The following COL4A5 variants were observed in gnomAD, a reference collection of about 807,000 sequenced individuals.
The protein encoded by COL4A5 is collagen alpha-5(IV) chain.
Under a neutral mutation model 130.2 loss-of-function variants are expected in COL4A5, and 26 were observed. The observed-to-expected ratio is 0.20, with a 90% CI of 0.15 to 0.28. COL4A5 has a LOEUF of 0.28. Among genes scored for constraint, COL4A5 ranks in the 10% least tolerant of loss-of-function variants. The probability of loss-of-function intolerance (pLI) is 1.00; values close to 1 mark genes in which losing one functional copy is unlikely to be tolerated. For synonymous variants in COL4A5, 496 were observed against 439.6 expected, an observed-to-expected ratio of 1.13 and a Z score of -1.60; for missense variants, 1,131 against 1,344.3, an observed-to-expected ratio of 0.84 and a Z score of 2.48.
chrX:108,479,357 C>A (rs745338431), intron 1 of COL4A5, among the ~76,000 whole-genome samples: 3 of 112,569 alleles, frequency 2.7e-5, no homozygotes, highest in Non-Finnish European at 3.8e-5. Context: ...TACAATCGCA[C>A]ATCTGGCCAT....
intron 29 of COL4A5, among the ~76,000 whole-genome samples, chrX:108,608,163 C>T (rs1374827434): frequency 1.8e-5 from 2 of 111,869 alleles, no homozygotes; most frequent in African/African-American, 6.5e-5. Context: ...GCACCATTTA[C>T]ACTCCACCCA....
chrX:108,515,572 GT>G (rs200118582), intron 1 of COL4A5, among the ~76,000 whole-genome samples: 5 of 106,781 alleles, frequency 4.7e-5, no homozygotes, highest in Admixed American at 2.0e-4. Flanking sequence ...TTAAAGGACA[GT>G]TTTTTTTTTG....
intron 44 of COL4A5, among the ~76,000 whole-genome samples, chrX:108,680,414 G>C (rs768652297): frequency 9.0e-6 from 1 of 111,421 alleles, no homozygotes; most frequent in Non-Finnish European, 1.9e-5. Flanking sequence ...TTAACAATAT[G>C]AACTGTCTCA....
At chrX:108,515,587 T>C (rs2065213575) in intron 1 of COL4A5, among the ~76,000 whole-genome samples, 1 of 111,438 alleles carries the variant, frequency 9.0e-6, no homozygotes, top group South Asian at 3.7e-4. Flanking sequence ...TTTTTTGTCA[T>C]GACAAGAGCA....
At chrX:108,669,766 C>T (rs1205984806) in intron 41 of COL4A5, among the ~76,000 whole-genome samples, 2 of 111,640 alleles carry the variant, frequency 1.8e-5, no homozygotes, top group Non-Finnish European at 3.8e-5. Context: ...TGAAATTTGT[C>T]GGTATGAAGC....
intron 7 of COL4A5, 23 bp downstream of exon 7, chrX:108,571,489 A>G: frequency 8.9e-7 from 1 of 1,124,129 alleles, no homozygotes; most frequent in Non-Finnish European, 1.2e-6. Flanking sequence ...ATTTGGGATT[A>G]TGATGAACAC....
At chrX:108,601,777 G>T in intron 26 of COL4A5, 108 bp from the exon 27 acceptor site, 1 of 537,430 alleles carries the variant, frequency 1.9e-6, no homozygotes, top group Non-Finnish European at 3.3e-6. Context: ...GTGACCCATT[G>T]CCTCAGCCTC....
chrX:108,440,174 C>T lies in COL4A5; in HGVS notation c.49C>T (p.Leu17=). 1 of 1,208,384 alleles carries T rather than the reference C, an allele frequency of 8.3e-7. No homozygotes were observed. Among genetic ancestry groups the T allele is most frequent in the Non-Finnish European group, 1.1e-6 (1 of 893,754 alleles). Residue 17 remains leucine, a synonymous_variant, in exon 1 of 53, where the codon CTG becomes TTG. Transcript: ENST00000328300. ...GGCTGCCGGCTTGTTCTTACTGGCC[C>T]TGAGTCTTTGGGGGCAGCCTGCAGA... is the stretch of plus-strand genomic sequence containing the variant. ...SLAAGLFLLA[L]SLWGQPAEAA... is the part of the protein sequence containing the mutation.
At chrX:108,566,355 C>T (rs1368858504) in intron 4 of COL4A5, among the ~76,000 whole-genome samples, 1 of 109,757 alleles carries the variant, frequency 9.1e-6, no homozygotes, top group Non-Finnish European at 1.9e-5. Flanking sequence ...AAAGTTGACT[C>T]CTGTCCTGTG....
At chrX:108,441,949 T>G in intron 1 of COL4A5, among the ~76,000 whole-genome samples, 1 of 111,997 alleles carries the variant, frequency 8.9e-6, no homozygotes, top group Non-Finnish European at 1.9e-5. Context: ...GCTTGTTTTC[T>G]TGGATTCTTA....
At chrX:108,605,914 G>GT (rs1260987614) in intron 28 of COL4A5, among the ~76,000 whole-genome samples, 1 of 111,934 alleles carries the variant, frequency 8.9e-6, no homozygotes, top group East Asian at 2.8e-4. Flanking sequence ...ATAATACTGT[G>GT]TTTGAGTTAC....
chrX:108,634,613 C>T (rs1186910992), intron 36 of COL4A5, among the ~76,000 whole-genome samples: 1 of 111,729 alleles, frequency 9.0e-6, no homozygotes, highest in South Asian at 3.7e-4. Flanking sequence ...AGACACTGTT[C>T]AAATTACTCT....
rs1242431699 is a variant in COL4A5, at chrX:108,695,360, C to T, written c.4915C>T (p.His1639Tyr). ...EFRSAPFIEC[H>Y]GRGTCNYYAN... ...TCGTTCAGCTCCCTTCATCGAATGTCATGGGAGGGGTACCTGTAACTACTA... is the reference window on the plus strand; with the variant it reads ...TCGTTCAGCTCCCTTCATCGAATGTTATGGGAGGGGTACCTGTAACTACTA... Residue 1639 changes from histidine to tyrosine, a missense_variant, in exon 52 of 53, where the codon CAT becomes TAT. Transcript: ENST00000328300. 5 of 1,209,272 alleles carry T rather than the reference C, an allele frequency of 4.1e-6. No individual in the cohort carries two copies. The highest frequency in any genetic ancestry group is 2.2e-5 in the Admixed American group (1 of 45,650).
chrX:108,466,218 A>G (rs947124707), intron 1 of COL4A5, among the ~76,000 whole-genome samples: 2 of 110,991 alleles, frequency 1.8e-5, no homozygotes, highest in Non-Finnish European at 3.8e-5. Flanking sequence ...GTATATATAT[A>G]TGTATTTGTT....
At chrX:108,465,605 C>A (rs762991453) in intron 1 of COL4A5, among the ~76,000 whole-genome samples, 1 of 111,644 alleles carries the variant, frequency 9.0e-6, no homozygotes, top group African/African-American at 3.2e-5. Context: ...TTTTATGAAG[C>A]GCAGCTTATC....
chrX:108,477,568 C>G (rs2064845943), intron 1 of COL4A5, among the ~76,000 whole-genome samples: 1 of 110,868 alleles, frequency 9.0e-6, no homozygotes, highest in Non-Finnish European at 1.9e-5. Context: ...AATCCCAGCA[C>G]TTTGGGAGGC....
At chrX:108,484,726 CT>C (rs1431251126) in intron 1 of COL4A5, among the ~76,000 whole-genome samples, 1 of 112,711 alleles carries the variant, frequency 8.9e-6, no homozygotes, top group African/African-American at 3.2e-5. Context: ...GCCACCACCC[CT>C]GGGATTGTGC....
At chrX:108,528,959 C>T (rs2065353262) in intron 1 of COL4A5, among the ~76,000 whole-genome samples, 1 of 111,674 alleles carries the variant, frequency 9.0e-6, no homozygotes, top group Admixed American at 9.5e-5. Flanking sequence ...ACAGGAGGCT[C>T]AGTGATCCCT....
intron 1 of COL4A5, among the ~76,000 whole-genome samples, chrX:108,516,561 A>G (rs1246435149): frequency 5.4e-5 from 6 of 111,830 alleles, no homozygotes; most frequent in Non-Finnish European, 7.5e-5. Context: ...GGAAAGCTGC[A>G]GTACTGTCAA....
Sources: gnomAD v4.1 joint callset for allele counts (sites outside exome capture counted in the v4.1 genomes callset) on GRCh38, gnomAD v4.1.1 for gene constraint, MANE v1.5 for transcripts, NCBI Gene and HGNC (gene_info 2026-07-23, HGNC 2026-07-21) for gene names.